RPS6KA2: variants seen among roughly 807,000 people sequenced by gnomAD.
RPS6KA2 encodes ribosomal protein S6 kinase alpha-2.
Under a neutral mutation model 91.8 loss-of-function variants are expected in RPS6KA2, and 42 were observed. The ratio of observed to expected loss-of-function variants is 0.46; its 90% CI spans 0.36 to 0.59. The LOEUF (loss-of-function observed/expected upper bound fraction) is 0.59, where lower values mean the gene tolerates loss of function less well. RPS6KA2 is among the 20% of genes least tolerant of loss of function. The pLI, the probability that RPS6KA2 is intolerant of heterozygous loss-of-function variation, is 0.00. For missense variants in RPS6KA2, 798 were observed against 978.5 expected (o/e 0.82, Z 2.46); for synonymous variants, 414 against 393.6 (o/e 1.05, Z -0.61).
intron 1 of RPS6KA2, among the ~76,000 whole-genome samples, chr6:166,621,327 C>T (rs1290634810): frequency 6.6e-6 from 1 of 152,192 alleles, no homozygotes; most frequent in Non-Finnish European, 1.5e-5. Context: ...CCTCCGGCTT[C>T]CTTGTAGCTG....
At chr6:166,536,689 G>A (rs1460305749) in intron 2 of RPS6KA2, among the ~76,000 whole-genome samples, 1 of 152,158 alleles carries the variant, frequency 6.6e-6, no homozygotes, top group Non-Finnish European at 1.5e-5. Flanking sequence ...CACCAGCTCT[G>A]GACAGGCATT....
At position 166,557,800 on chromosome 6, in the gene RPS6KA2, C is replaced by G. The variant is rs1040198958; in HGVS notation, c.100-19016G>C. Among the ~76,000 whole-genome samples the G allele has an allele frequency of 2.0e-5, 3 of 152,196 alleles. No individual in the cohort carries two copies. The highest frequency in any genetic ancestry group is 4.4e-5 in the Non-Finnish European group (3 of 68,038). ...TCCTCACTCTGTGAACCCTCACTAT[C>G]CTAATATTTTCCATAACAACTTGCA... On this transcript the variant is annotated intron_variant, in intron 1 of 20. Coordinates refer to ENST00000265678, the MANE Select transcript of RPS6KA2 (RefSeq NM_021135.6). This position sits in a 1 kb window ranked among gnomAD's most constrained non-coding sequence, Gnocchi z 4.8.
intron 2 of RPS6KA2, among the ~76,000 whole-genome samples, chr6:166,806,704 G>A (rs1225680604): frequency 1.3e-5 from 2 of 152,162 alleles, no homozygotes; most frequent in African/African-American, 4.8e-5. Context: ...AAAGATCTCA[G>A]TGATGGTAAT....
rs188588879 is a variant in RPS6KA2, at chr6:166,739,344, G to A, written c.123+118856C>T. Among the ~76,000 whole-genome samples the A allele has an allele frequency of 5.9e-5, 9 of 152,334 alleles. No individual in the cohort carries two copies. The East Asian group carries it at 1.7e-3, about 29-fold the overall frequency. On this transcript the variant is annotated intron_variant, in intron 2 of 21. Transcript: ENST00000503859. ...ATAAACTTAGAAATATGAACTCTAG[G>A]AAACCCTCTAGGTAAGGATCCCTAA...
intron 1 of RPS6KA2, among the ~76,000 whole-genome samples, chr6:166,539,359 A>T (rs937269531): frequency 2.6e-5 from 4 of 152,200 alleles, no homozygotes; most frequent in East Asian, 3.9e-4. Context: ...CTCTCAATGA[A>T]ATCCATTCTG....
chr6:166,728,233 C>T (rs904029572), intron 2 of RPS6KA2, among the ~76,000 whole-genome samples: 5 of 152,166 alleles, frequency 3.3e-5, no homozygotes, highest in Admixed American at 6.5e-5. Flanking sequence ...CTCATCTGTA[C>T]GAATGGGGCG....
At chr6:166,617,132 G>A (rs3799570) in intron 1 of RPS6KA2, among the ~76,000 whole-genome samples, 26,532 of 152,206 alleles carry the variant, frequency 0.17, 2,359 homozygotes, top group African/African-American at 0.22. Context: ...AGCGTCAGGA[G>A]TCAAAGACTT....
At position 166,508,237 on chromosome 6, in the gene RPS6KA2, C is replaced by T. The variant is rs777617149; in HGVS notation, c.425G>A (p.Arg142Gln). 1.9e-6 allele frequency: 3 copies of T among 1,613,776 alleles called. No individual in the cohort carries two copies. The highest frequency in any genetic ancestry group is 2.2e-5 in the East Asian group (1 of 44,872). The change falls in exon 5 of 21, where the codon CGG becomes CAG. Residue 142 changes from arginine (R) to glutamine (Q), a missense_variant. Coordinates refer to ENST00000265678, the MANE Select transcript of RPS6KA2 (RefSeq NM_021135.6). The surrounding 1 kb of genome is among the most constrained non-coding windows in gnomAD (Gnocchi z 4.3). ...GAGCCGGGTGAAGAGGTCCCCTCCC[C>T]GCAGGAAGTCCAGGATCAGGTAGAG... ...GKLYLILDFL[R>Q]GGDLFTRLSK...
chr6:166,754,984 G>A (rs1001159655), intron 2 of RPS6KA2, among the ~76,000 whole-genome samples: 2 of 152,316 alleles, frequency 1.3e-5, no homozygotes, highest in Non-Finnish European at 1.5e-5. Context: ...GTTGGGCTCT[G>A]TGATTTCAAT....
intron 2 of RPS6KA2, among the ~76,000 whole-genome samples, chr6:166,704,460 G>A (rs777082151): frequency 1.3e-5 from 2 of 152,210 alleles, no homozygotes; most frequent in Non-Finnish European, 2.9e-5. Context: ...TAATATAAAA[G>A]TTGCATTAGT....
chr6:166,761,150 G>A (rs535901770), intron 2 of RPS6KA2, among the ~76,000 whole-genome samples: 59 of 152,214 alleles, frequency 3.9e-4, no homozygotes, highest in Admixed American at 8.5e-4. Flanking sequence ...TGCAACCTCC[G>A]CCTCCCGGGT....
intron 1 of RPS6KA2, among the ~76,000 whole-genome samples, chr6:166,595,546 C>G (rs1785508938): frequency 6.6e-6 from 1 of 152,230 alleles, no homozygotes; most frequent in Non-Finnish European, 1.5e-5. Context: ...TTTTTCCTCT[C>G]TGAAATTTCA....
At chr6:166,580,548 C>T (rs1784972764) in intron 1 of RPS6KA2, among the ~76,000 whole-genome samples, 1 of 152,246 alleles carries the variant, frequency 6.6e-6, no homozygotes, top group Non-Finnish European at 1.5e-5. Flanking sequence ...TGTTGGGCGA[C>T]ATTCAAAGCC....
At chr6:166,738,335 C>T (rs2128591498) in intron 2 of RPS6KA2, among the ~76,000 whole-genome samples, 1 of 152,316 alleles carries the variant, frequency 6.6e-6, no homozygotes, top group African/African-American at 2.4e-5. Flanking sequence ...GTCTGGAAGG[C>T]AGCAGGGAGG....
intron 1 of RPS6KA2, among the ~76,000 whole-genome samples, chr6:166,594,235 A>C (rs1431516578): frequency 6.6e-6 from 1 of 152,226 alleles, no homozygotes; most frequent in Non-Finnish European, 1.5e-5. Flanking sequence ...TCAAATTTTT[A>C]AAGAACTGCA....
intron 12 of RPS6KA2, among the ~76,000 whole-genome samples, chr6:166,455,944 C>T (rs533367162): frequency 1.3e-3 from 204 of 152,310 alleles, no homozygotes; most frequent in African/African-American, 4.8e-3. Flanking sequence ...CTGGGGAATC[C>T]GCAGAGCCAC....
At chr6:166,504,680 A>G in intron 5 of RPS6KA2, 68 bp from the exon 6 acceptor site, 2 of 1,163,358 alleles carry the variant, frequency 1.7e-6, no homozygotes, top group Non-Finnish European at 2.5e-6. Context: ...TGTGTTTTAA[A>G]GAACTCTGCC....
At chr6:166,553,431 A>C (rs1583273659) in intron 1 of RPS6KA2, among the ~76,000 whole-genome samples, 1 of 144,414 alleles carries the variant, frequency 6.9e-6, no homozygotes. Flanking sequence ...GCCTCCACTT[A>C]CTCATGTTTA....
chr6:166,583,148 G>A lies in RPS6KA2; in HGVS notation c.99+43773C>T, dbSNP rs1785071047. 2.0e-5 allele frequency among the ~76,000 whole-genome samples: 3 copies of A among 152,168 alleles called. No homozygotes were observed. In the South Asian group the frequency reaches 6.2e-4, roughly 31 times the overall value. ...TACTCGCATTCGCATACTTTTCAAG[G>A]TATCATATTACACATAATTAGATCC... On this transcript the variant is annotated intron_variant, in intron 1 of 20. Transcript: ENST00000265678.
Sources: allele counts gnomAD v4.1 joint callset (sites outside exome capture counted in the v4.1 genomes callset), GRCh38; gene constraint gnomAD v4.1.1; non-coding constraint Gnocchi (gnomAD v3.1); transcripts MANE v1.5; gene names NCBI Gene and HGNC (gene_info 2026-07-23, HGNC 2026-07-21).